The following CERS3 variants were observed in gnomAD, a reference collection of about 807,000 sequenced individuals.
The protein encoded by CERS3 is ceramide synthase 3.
Under a neutral mutation model 50.3 loss-of-function variants are expected in CERS3, and 33 were observed. The ratio of observed to expected loss-of-function variants is 0.66; its 90% CI spans 0.50 to 0.88. CERS3 has a LOEUF of 0.88. CERS3 is among the 40% of genes least tolerant of loss of function. The probability of loss-of-function intolerance (pLI) is 0.00; values close to 1 mark genes in which losing one functional copy is unlikely to be tolerated. For missense variants in CERS3, 470 were observed against 460.3 expected, an observed-to-expected ratio of 1.02 and a Z score of -0.19; for synonymous variants, 176 against 155.2, an observed-to-expected ratio of 1.13 and a Z score of -0.99.
intron 4 of CERS3, 59 bp from the exon 5 acceptor site, chr15:100,484,727 G>A: frequency 2.4e-6 from 3 of 1,230,658 alleles, no homozygotes; most frequent in Non-Finnish European, 3.6e-6. Flanking sequence ...CTGGCAGGCA[G>A]ACAAGAGACG....
chr15:100,442,918 C>A (rs912366808), intron 11 of CERS3, among the ~76,000 whole-genome samples: 1 of 151,606 alleles, frequency 6.6e-6, no homozygotes, highest in Non-Finnish European at 1.5e-5. Flanking sequence ...TTTCCCTTGC[C>A]TCCATAACTG....
intron 2 of CERS3, among the ~76,000 whole-genome samples, chr15:100,519,951 C>T (rs1252073301): frequency 6.6e-6 from 1 of 152,188 alleles, no homozygotes; most frequent in East Asian, 1.9e-4. Flanking sequence ...CTTTGGCCCT[C>T]CTCTGGCCTC....
At chr15:100,523,982 A>G (rs1164534387) in intron 1 of CERS3, among the ~76,000 whole-genome samples, 3 of 152,210 alleles carry the variant, frequency 2.0e-5, no homozygotes, top group East Asian at 3.9e-4. Context: ...TTATTTGTAC[A>G]TGGACATTCA....
chr15:100,531,816 G>C (rs2036945109), upstream of CERS3, among the ~76,000 whole-genome samples: 2 of 152,320 alleles, frequency 1.3e-5, no homozygotes, highest in South Asian at 4.1e-4. Context: ...CTCATTAATA[G>C]ATATTAAATC....
chr15:100,416,088 ATTC>A (rs1567595174), intron 11 of CERS3, among the ~76,000 whole-genome samples: 1 of 151,986 alleles, frequency 6.6e-6, no homozygotes, highest in East Asian at 1.9e-4. Context: ...ATTCAATACC[ATTC>A]TTATCAAACT....
intron 11 of CERS3, among the ~76,000 whole-genome samples, chr15:100,428,931 A>C (rs2032972744): frequency 1.3e-5 from 2 of 152,240 alleles, no homozygotes; most frequent in African/African-American, 4.8e-5. Flanking sequence ...AGAGTGGAAT[A>C]AACCTTTCAA....
chr15:100,446,070 A>G (rs2033924000), intron 11 of CERS3, among the ~76,000 whole-genome samples: 1 of 151,450 alleles, frequency 6.6e-6, no homozygotes, highest in Admixed American at 6.6e-5. Context: ...CAAATCCTAT[A>G]AAACGGCCCC....
At chr15:100,438,501 AT>A (rs1048993323) in intron 11 of CERS3, among the ~76,000 whole-genome samples, 2 of 152,060 alleles carry the variant, frequency 1.3e-5, no homozygotes, top group African/African-American at 4.8e-5. Context: ...CTAGTTATTA[AT>A]TTTTTTACCT....
intron 3 of CERS3, 149 bp from the exon 4 acceptor site, chr15:100,491,080 C>T (rs1272144193): frequency 1.8e-6 from 1 of 546,232 alleles, no homozygotes; most frequent in Non-Finnish European, 3.2e-6. Context: ...AAATCTGTCT[C>T]TCAAAACAGA....
chr15:100,520,110 C>T (rs945268591), intron 2 of CERS3, among the ~76,000 whole-genome samples: 2 of 152,210 alleles, frequency 1.3e-5, no homozygotes, highest in African/African-American at 4.8e-5. Context: ...GCATGGGCCC[C>T]TTTCTAGGTC....
intron 2 of CERS3, among the ~76,000 whole-genome samples, chr15:100,517,788 G>C (rs878697): frequency 0.58 from 87,395 of 151,988 alleles, 25,600 homozygotes; most frequent in Admixed American, 0.63. Flanking sequence ...AGTTCTTGGA[G>C]GAGGGTGGGG....
At chr15:100,539,454 G>A (rs536117394) in intron 1 of CERS3, among the ~76,000 whole-genome samples, 171 of 152,310 alleles carry the variant, frequency 1.1e-3, no homozygotes, top group Middle Eastern at 3.4e-3. Flanking sequence ...GTTTGGCATG[G>A]CTGGGAAGGC....
intron 1 of CERS3, among the ~76,000 whole-genome samples, chr15:100,540,700 G>A (rs1255336941): frequency 1.3e-5 from 2 of 152,208 alleles, no homozygotes; most frequent in Non-Finnish European, 2.9e-5. Flanking sequence ...TGGCACACGT[G>A]TACCTATGTG....
At chr15:100,514,215 T>C (rs1396066290) in intron 2 of CERS3, among the ~76,000 whole-genome samples, 1 of 152,212 alleles carries the variant, frequency 6.6e-6, no homozygotes, top group Admixed American at 6.5e-5. Flanking sequence ...CTTTATTTCA[T>C]GTCTGTTAAA....
intron 3 of CERS3, among the ~76,000 whole-genome samples, chr15:100,498,423 TAGAA>T (rs1567663918): frequency 6.6e-6 from 1 of 152,136 alleles, no homozygotes; most frequent in Non-Finnish European, 1.5e-5. Context: ...GTCTTAGCCC[TAGAA>T]AGAAACTTAG....
At chr15:100,470,350 G>C (rs761037575) in intron 9 of CERS3, among the ~76,000 whole-genome samples, 3 of 152,200 alleles carry the variant, frequency 2.0e-5, no homozygotes, top group Non-Finnish European at 4.4e-5. Context: ...TTCCAGAAAG[G>C]GTTCACGTGG....
At chr15:100,543,153 C>A (rs1265517023) in intron 1 of CERS3, among the ~76,000 whole-genome samples, 2 of 152,064 alleles carry the variant, frequency 1.3e-5, no homozygotes, top group African/African-American at 4.8e-5. Flanking sequence ...TTCAGGTGAT[C>A]CACCTGCCTC....
intron 2 of CERS3, among the ~76,000 whole-genome samples, chr15:100,507,359 CA>C (rs2036215698): frequency 6.6e-6 from 1 of 152,204 alleles, no homozygotes; most frequent in South Asian, 2.1e-4. Flanking sequence ...GCTACCCCTC[CA>C]GCCAGCCTCA....
intron 6 of CERS3, 110 bp downstream of exon 6, chr15:100,479,879 C>A (rs1273351492): frequency 1.3e-6 from 1 of 783,402 alleles, no homozygotes; most frequent in East Asian, 2.7e-5. Context: ...TGAGAGAAAT[C>A]TCTAAAACTG....
Sources: gnomAD v4.1 joint callset for allele counts (sites outside exome capture counted in the v4.1 genomes callset) on GRCh38, gnomAD v4.1.1 for gene constraint, MANE v1.5 for transcripts, NCBI Gene and HGNC (gene_info 2026-07-23, HGNC 2026-07-21) for gene names.